ZBTB45: variants seen among roughly 807,000 people sequenced by gnomAD.
ZBTB45 encodes zinc finger and BTB domain containing 45, also known as zinc finger and BTB domain-containing protein 45.
Under a neutral mutation model 28.4 loss-of-function variants are expected in ZBTB45, and 22 were observed. The ratio of observed to expected loss-of-function variants is 0.77; its 90% CI spans 0.55 to 1.10. ZBTB45 has a LOEUF of 1.10. Ranked by LOEUF, ZBTB45 falls within the 50% of genes least tolerant of loss-of-function variation. The pLI, the probability that ZBTB45 is intolerant of heterozygous loss-of-function variation, is 0.00. For missense variants in ZBTB45, 656 were observed against 750.2 expected, an observed-to-expected ratio of 0.87 and a Z score of 1.47; for synonymous variants, 361 against 332.3, an observed-to-expected ratio of 1.09 and a Z score of -0.94.
Position 58,517,094 on chromosome 19 carries a change from C to G in ZBTB45, c.580G>C (p.Asp194His), listed in dbSNP as rs1446755559. The change falls in exon 2 of 3, where the codon GAT becomes CAT. Residue 194 changes from aspartate to histidine, a missense_variant. This residue lies in a region of ZBTB45 where 448 missense variants were observed against 444.3 expected (regional missense o/e 1.01). Coordinates refer to ENST00000594051, the MANE Select transcript of ZBTB45 (RefSeq NM_001316979.2). ...PPTPAKAEGP[D>H]ADPSLSAAPD... Reference sequence around the variant, plus strand: ...GCCGCGGACAGTGAGGGGTCAGCATCAGGCCCCTCAGCCTTGGCAGGTGTT... The same window carrying G: ...GCCGCGGACAGTGAGGGGTCAGCATGAGGCCCCTCAGCCTTGGCAGGTGTT... 6.2e-7 allele frequency: 1 copy of G among 1,613,116 alleles called. No homozygotes were observed. The highest frequency in any genetic ancestry group is 8.5e-7 in the Non-Finnish European group (1 of 1,179,940).
Position 58,517,482 on chromosome 19 carries a change from G to A in ZBTB45, c.192C>T (p.Leu64=), listed in dbSNP as rs773959139. The part of the protein sequence containing the change: ...GSPFFQDKLL[L]GHSEIRVPPV... ...GAGGCACACGGATCTCAGAGTGGCC[G>A]AGCAGCAGCTTGTCTTGGAAGAAGG... The change falls in exon 2 of 3, where the codon CTC becomes CTT. Residue 64 remains leucine (L), a synonymous_variant. Transcript: ENST00000594051. 36 of 1,613,240 alleles carry A rather than the reference G, an allele frequency of 2.2e-5. No individual in the cohort carries two copies. The highest frequency in any genetic ancestry group is 1.6e-4 in the Middle Eastern group (1 of 6,062).
In ZBTB45 at chr19:58,514,308, C is replaced by G. The variant is rs2053459099; in HGVS notation, c.1282G>C (p.Glu428Gln). 2 of 1,599,322 alleles carry G rather than the reference C, an allele frequency of 1.3e-6. No homozygotes were observed. Among genetic ancestry groups the G allele is most frequent in the Non-Finnish European group, 1.7e-6 (2 of 1,170,508 alleles). ...CACACGGCGCACTGGTGCGGCTTCTCCCCTGCGGAAGACAGGGCGGGCCGC... is the reference window on the plus strand; with the variant it reads ...CACACGGCGCACTGGTGCGGCTTCTGCCCTGCGGAAGACAGGGCGGGCCGC... ...YTKHMFIHSG[E>Q]KPHQCAVCWR... is the part of the protein sequence containing the mutation. The change falls in exon 3 of 3, where the codon GAG (glutamate) becomes CAG (glutamine). Residue 428 changes from glutamate to glutamine, a missense_variant and splice_region_variant. By Grantham distance (29) the Glu-to-Gln change is conservative. Coordinates refer to ENST00000594051, the MANE Select transcript of ZBTB45 (RefSeq NM_001316979.2).
At position 58,515,129 on chromosome 19, in the gene ZBTB45, A is replaced by G. The variant is rs2053474910; in HGVS notation, c.1280-819T>C. 6.6e-6 allele frequency among the ~76,000 whole-genome samples: 1 copy of G among 152,034 alleles called. No homozygotes were observed. The highest frequency in any genetic ancestry group is 1.5e-5 in the Non-Finnish European group (1 of 67,994). ...CGCTTGAGGCCAGGAGTTCGAGACC[A>G]ACGTGGTGAAACCCCATCTCTACTA... On this transcript the variant is annotated intron_variant, in intron 2 of 2. Coordinates refer to ENST00000594051, the MANE Select transcript of ZBTB45 (RefSeq NM_001316979.2). This position sits in a 1 kb window ranked among gnomAD's most constrained non-coding sequence, Gnocchi z 4.7.
intron 1 of ZBTB45, among the ~76,000 whole-genome samples, chr19:58,531,646 G>T (rs2053636317): frequency 6.6e-6 from 1 of 152,202 alleles, no homozygotes; most frequent in South Asian, 2.1e-4. Context: ...TTGATGCCAA[G>T]TTCTCAGAGT....
upstream of ZBTB45, among the ~76,000 whole-genome samples, chr19:58,524,699 C>T (rs1206143924): frequency 4.0e-5 from 6 of 151,734 alleles, no homozygotes; most frequent in Non-Finnish European, 7.4e-5. Flanking sequence ...CTGGCTAACA[C>T]GGTGAAACCC....
intron 1 of ZBTB45, among the ~76,000 whole-genome samples, chr19:58,530,941 C>T (rs1217531121): frequency 6.6e-6 from 1 of 152,146 alleles, no homozygotes; most frequent in Admixed American, 6.6e-5. Context: ...CCTTGGCTTC[C>T]CAAAATGCTA....
chr19:58,528,744 A>G (rs867939025), intron 1 of ZBTB45, among the ~76,000 whole-genome samples: 1 of 152,122 alleles, frequency 6.6e-6, no homozygotes, highest in South Asian at 2.1e-4. Context: ...ATTACAAAAA[A>G]TTAGCCAGGT....
Position 58,516,735 on chromosome 19 carries a change from T to C in ZBTB45, c.939A>G (p.Ile313Met), listed in dbSNP as rs2053503663. ...CACCAGGCGGGCGGGATCCAGACAGTATGCAGTCGGGCTGGACAGGGGTCT... is the reference window on the plus strand; with the variant it reads ...CACCAGGCGGGCGGGATCCAGACAGCATGCAGTCGGGCTGGACAGGGGTCT... The part of the protein sequence containing the change: ...PTETPVQPDC[I>M]LSGSRPPGVK... Residue 313 changes from isoleucine to methionine, a missense_variant, in exon 2 of 3, where the codon ATA becomes ATG. Physicochemically the swap from Ile to Met is conservative, Grantham distance 10. Coordinates refer to ENST00000594051, the MANE Select transcript of ZBTB45 (RefSeq NM_001316979.2). This position sits in a 1 kb window ranked among gnomAD's most constrained non-coding sequence, Gnocchi z 6.2. The C allele has an allele frequency of 6.2e-7, 1 of 1,609,846 alleles. No homozygotes were observed. Among genetic ancestry groups the C allele is most frequent in the Non-Finnish European group, 8.5e-7 (1 of 1,177,790 alleles).
At chr19:58,514,401 T>G in intron 2 of ZBTB45, 91 bp from the exon 3 acceptor site, 1 of 1,344,062 alleles carries the variant, frequency 7.4e-7, no homozygotes, top group South Asian at 1.5e-5. Context: ...CTCCTGGACC[T>G]AGCAGGGGCT....
intron 1 of ZBTB45, among the ~76,000 whole-genome samples, chr19:58,535,995 C>A (rs1056488862): frequency 1.3e-5 from 2 of 152,066 alleles, no homozygotes; most frequent in Non-Finnish European, 1.5e-5. Context: ...GAGTTGAGGA[C>A]AACAGGTCTC....
At chr19:58,537,645 TG>T (rs961137131) in intron 1 of ZBTB45, among the ~76,000 whole-genome samples, 1 of 152,118 alleles carries the variant, frequency 6.6e-6, no homozygotes, top group Non-Finnish European at 1.5e-5. Flanking sequence ...TGCAAGTGTT[TG>T]GGGCAGCCCC....
Position 58,535,181 on chromosome 19 carries a change from T to C in ZBTB45, c.-1+3520A>G, listed in dbSNP as rs528976673. 5.9e-5 allele frequency among the ~76,000 whole-genome samples: 9 copies of C among 152,088 alleles called. No individual in the cohort carries two copies. The East Asian group carries it at 1.8e-3, about 30-fold the overall frequency. ...CCACCGTGCCCAGCCTTAATTTTTGTATTTTTAGTACAGACAGGGTTTCAC... is the reference window on the plus strand; with the variant it reads ...CCACCGTGCCCAGCCTTAATTTTTGCATTTTTAGTACAGACAGGGTTTCAC... On this transcript the variant is annotated intron_variant, in intron 1 of 1. Coordinates refer to the ZBTB45 transcript ENST00000600130.
In ZBTB45 at chr19:58,529,041, G is replaced by A. The variant is rs368444948; in HGVS notation, c.-1+9660C>T. Among the ~76,000 whole-genome samples the A allele has an allele frequency of 5.6e-5, 8 of 144,116 alleles. No homozygotes were observed. The East Asian group carries it at 1.0e-3, about 18-fold the overall frequency. The allele number at this position is 144,116 out of a possible 152,430, so 94.5% of individuals were successfully genotyped here. A position where few individuals can be genotyped will look rare whatever the true frequency, so the allele number is the denominator to read the frequency against. On this transcript the variant is annotated intron_variant, in intron 1 of 1. Transcript: ENST00000600130. ...AGAGGTTGCAGTGAGCTGAGATCAC[G>A]CCATTGCACTCCAGCCTGGGCAATG... is the stretch of plus-strand genomic sequence containing the variant.
At chr19:58,524,567 C>T (rs1357961990), upstream of ZBTB45, among the ~76,000 whole-genome samples, 3 of 150,300 alleles carry the variant, frequency 2.0e-5, no homozygotes, top group Admixed American at 1.3e-4. Context: ...GGGAGGAGGG[C>T]GATGTGGCCT....
rs770391135 is a variant in ZBTB45, at chr19:58,517,000, C to T, written c.674G>A (p.Gly225Asp). 2 of 1,613,176 alleles carry T rather than the reference C, an allele frequency of 1.2e-6. No homozygotes were observed. Among genetic ancestry groups the T allele is most frequent in the Non-Finnish European group, 8.5e-7 (1 of 1,179,982 alleles). Residue 225 changes from glycine (G) to aspartate (D), a missense_variant, in exon 2 of 3, where the codon GGT (glycine) becomes GAT (aspartate). This residue lies in a region of ZBTB45 where 448 missense variants were observed against 444.3 expected (regional missense o/e 1.01). Transcript: ENST00000594051. This position sits in a 1 kb window ranked among gnomAD's most constrained non-coding sequence, Gnocchi z 6.2. ...DDETDGEDGE[G>D]GGPGEGQAPP... is the part of the protein sequence containing the mutation. ...TGCCTGGCCCTCGCCTGGGCCGCCA[C>T]CTTCGCCATCCTCGCCATCGGTCTC...
intron 1 of ZBTB45, among the ~76,000 whole-genome samples, chr19:58,518,367 T>A (rs2053542751): frequency 1.3e-5 from 2 of 151,622 alleles, no homozygotes; most frequent in South Asian, 4.2e-4. Context: ...GGGCTGAGGG[T>A]AAAAGGTTGG....
At position 58,516,080 on chromosome 19, in the gene ZBTB45, A is replaced by G. The variant is rs2053488744; in HGVS notation, c.1279+315T>C. On this transcript the variant is annotated intron_variant, in intron 2 of 2. Coordinates refer to ENST00000594051, the MANE Select transcript of ZBTB45 (RefSeq NM_001316979.2). This position sits in a 1 kb window ranked among gnomAD's most constrained non-coding sequence, Gnocchi z 6.2. ...TCCCAACCTGCCAGGACCTCCTGCC[A>G]AGGCTCCATACCCATCATGTGCATC... Among the ~76,000 whole-genome samples, 2 of 152,168 alleles carry G rather than the reference A, an allele frequency of 1.3e-5. No homozygotes were observed. The highest frequency in any genetic ancestry group is 4.1e-4 in the South Asian group (2 of 4,822).
At chr19:58,522,558 C>T (rs556127021), upstream of ZBTB45, among the ~76,000 whole-genome samples, 13 of 152,082 alleles carry the variant, frequency 8.5e-5, no homozygotes, top group Non-Finnish European at 1.8e-4. Flanking sequence ...TCGCTTGAAC[C>T]CGGGAGGCAG....
At position 58,517,389 on chromosome 19, in the gene ZBTB45, C is replaced by T. The variant is rs201382595; in HGVS notation, c.285G>A (p.Ala95=). ...EFLYSGSLVV[A]QGEALQVLTA... is the part of the protein sequence containing the mutation. ...TGAGCACCTGCAGGGCTTCACCCTGCGCCACAACGAGCGAACCGCTGTACA... is the reference window on the plus strand; with the variant it reads ...TGAGCACCTGCAGGGCTTCACCCTGTGCCACAACGAGCGAACCGCTGTACA... The change falls in exon 2 of 3, where the codon GCG becomes GCA. Residue 95 remains alanine, a synonymous_variant. Transcript: ENST00000594051. 79 of 1,612,824 alleles carry T rather than the reference C, an allele frequency of 4.9e-5. No homozygotes were observed. In the East Asian group the frequency reaches 1.0e-3, roughly 21 times the overall value.
Sources: gnomAD v4.1 joint callset for allele counts (sites outside exome capture counted in the v4.1 genomes callset) on GRCh38, gnomAD v4.1.1 for gene constraint, gnomAD v4.1.1 regional missense constraint, Gnocchi (gnomAD v3.1) non-coding constraint, MANE v1.5 for transcripts, NCBI Gene and HGNC (gene_info 2026-07-23, HGNC 2026-07-21) for gene names.